PCCB: variants seen among roughly 807,000 people sequenced by gnomAD.
PCCB encodes the protein propionyl-CoA carboxylase beta chain, mitochondrial.
In PCCB, 43 loss-of-function variants were observed where a neutral mutation model predicts 60.7. The observed-to-expected ratio is 0.71, with a 90% CI of 0.55 to 0.91. The LOEUF is 0.91. Ranked by LOEUF, PCCB falls within the 40% of genes least tolerant of loss-of-function variation. The pLI is 0.00. For synonymous variants in PCCB, 276 were observed against 255.9 expected (o/e 1.08, Z -0.75); for missense variants, 766 against 702.8 (o/e 1.09, Z -1.02).
chr3:136,263,290 G>C (rs531516124), intron 5 of PCCB, among the ~76,000 whole-genome samples: 1 of 138,430 alleles, frequency 7.2e-6, no homozygotes, highest in Admixed American at 7.5e-5. Context: ...TTTATTTAGA[G>C]ACAGTGTCTT....
At chr3:136,259,117 A>C in intron 3 of PCCB, 2 of 1,422,876 alleles carry the variant, frequency 1.4e-6, no homozygotes, top group Non-Finnish European at 1.8e-6. Context: ...GAAGATCCAT[A>C]AGCAGAAGAA....
chr3:136,257,757 G>A (rs1407946268), intron 3 of PCCB, among the ~76,000 whole-genome samples: 3 of 152,086 alleles, frequency 2.0e-5, no homozygotes, highest in Non-Finnish European at 4.4e-5. Flanking sequence ...CCAACATGGC[G>A]AAACTCCATC....
chr3:136,303,916 A>C (rs1934371388), intron 9 of PCCB, among the ~76,000 whole-genome samples: 1 of 121,794 alleles, frequency 8.2e-6, no homozygotes, highest in South Asian at 3.2e-4. Context: ...TATTTGCTTT[A>C]TGTATTAGTG....
At chr3:136,273,388 A>G (rs539099014) in intron 5 of PCCB, among the ~76,000 whole-genome samples, 63 of 152,210 alleles carry the variant, frequency 4.1e-4, no homozygotes, top group Admixed American at 3.3e-4. Flanking sequence ...TGTCTCAACA[A>G]AAAGAGTCTA....
rs146634190 is a variant in PCCB, at chr3:136,320,200, A to G, written c.1090+3136A>G. Among the ~76,000 whole-genome samples the G allele has an allele frequency of 3.4e-3, 512 of 152,256 alleles. 2 individuals are homozygous for G. Among genetic ancestry groups the G allele is most frequent in the Non-Finnish European group, 4.6e-3 (311 of 68,018 alleles). ...TTGGGGCCCTTTTAAATTCCATATG[A>G]ATTTTGGTAGTGACTTTCCCATTTC... On this transcript the variant is annotated intron_variant, in intron 10 of 14. Transcript: ENST00000251654.
chr3:136,282,240 GAAATTT>G (rs1942494608), intron 5 of PCCB, among the ~76,000 whole-genome samples: 2 of 152,198 alleles, frequency 1.3e-5, no homozygotes, highest in Non-Finnish European at 2.9e-5. Context: ...GAAGTTTACT[GAAATTT>G]ACTTGCTGTT....
chr3:136,323,070 A>C (rs188721865), intron 10 of PCCB, among the ~76,000 whole-genome samples: 1 of 148,440 alleles, frequency 6.7e-6, no homozygotes, highest in South Asian at 2.1e-4. Flanking sequence ...AATATGTCTC[A>C]GTGTGGGTTT....
chr3:136,282,057 C>T (rs1027634309), intron 5 of PCCB, among the ~76,000 whole-genome samples: 1 of 152,096 alleles, frequency 6.6e-6, no homozygotes, highest in Non-Finnish European at 1.5e-5. Context: ...CCATCAAAAG[C>T]AGTGGTCAGT....
chr3:136,310,159 T>A (rs1039853487), intron 9 of PCCB, among the ~76,000 whole-genome samples: 3 of 151,666 alleles, frequency 2.0e-5, no homozygotes, highest in African/African-American at 7.3e-5. Flanking sequence ...AGGTCGGGAG[T>A]TCGAGACCAG....
chr3:136,280,455 CCCT>C (rs2108176653), intron 5 of PCCB, among the ~76,000 whole-genome samples: 1 of 152,244 alleles, frequency 6.6e-6, no homozygotes, highest in African/African-American at 2.4e-5. Flanking sequence ...AAATGATTCT[CCCT>C]CCTCAGCCTC....
chr3:136,256,134 G>A (rs909714277), intron 2 of PCCB, 159 bp downstream of exon 2: 2 of 1,055,052 alleles, frequency 1.9e-6, no homozygotes, highest in Non-Finnish European at 2.7e-6. Flanking sequence ...GTAGAGATGG[G>A]CTTTCGCCAT....
At chr3:136,321,410 AAG>A (rs1935104363) in intron 10 of PCCB, among the ~76,000 whole-genome samples, 1 of 152,146 alleles carries the variant, frequency 6.6e-6, no homozygotes, top group Non-Finnish European at 1.5e-5. Flanking sequence ...CTATAAAGGA[AAG>A]AGGTTTAATT....
intron 5 of PCCB, among the ~76,000 whole-genome samples, chr3:136,273,989 C>T (rs1259165967): frequency 3.3e-5 from 5 of 149,274 alleles, no homozygotes; most frequent in Non-Finnish European, 5.9e-5. Flanking sequence ...ATATCTCTTT[C>T]CCCCCCTTTA....
chr3:136,322,803 TTTTG>T (rs1459062034), intron 10 of PCCB, among the ~76,000 whole-genome samples: 1 of 152,194 alleles, frequency 6.6e-6, no homozygotes, highest in Non-Finnish European at 1.5e-5. Flanking sequence ...GGGCCTCAGC[TTTTG>T]TTTATCTGAA....
At chr3:136,276,605 C>T (rs192471584) in intron 5 of PCCB, among the ~76,000 whole-genome samples, 98 of 152,268 alleles carry the variant, frequency 6.4e-4, no homozygotes, top group African/African-American at 2.3e-3. Flanking sequence ...GGGGATTCCT[C>T]CTGTGGAGAT....
rs1307983237 is a variant in PCCB at position 136,304,608 on chromosome 3, A to G, written c.966+3497A>G. ...CACCGTGTTAGCCAGGATAGTCTCG[A>G]TCTCCCGACCTCGTGATCTGCCCGC... On this transcript the variant is annotated intron_variant, in intron 9 of 14. Transcript: ENST00000251654. Among the ~76,000 whole-genome samples the G allele has an allele frequency of 2.5e-5, 3 of 118,230 alleles. 1 individual carries two copies. Among genetic ancestry groups the G allele is most frequent in the African/African-American group, 7.7e-5 (3 of 39,074 alleles). The allele number at this position is 118,230 out of a possible 152,430, so 77.6% of individuals were successfully genotyped here.
At chr3:136,273,684 G>A (rs564620401) in intron 5 of PCCB, among the ~76,000 whole-genome samples, 115 of 143,190 alleles carry the variant, frequency 8.0e-4, no homozygotes, top group East Asian at 6.8e-3. Context: ...AGGCCAAGAC[G>A]GGCGGATCGC....
At chr3:136,256,126 A>G (rs1941665872) in intron 2 of PCCB, 151 bp downstream of exon 2, 2 of 1,149,488 alleles carry the variant, frequency 1.7e-6, no homozygotes, top group Non-Finnish European at 1.2e-6. Flanking sequence ...TATTTTTAGT[A>G]GAGATGGGCT....
rs1010495492 is a variant in PCCB at position 136,256,221 on chromosome 3, G to C, written c.303+246G>C. On this transcript the variant is annotated intron_variant, in intron 2 of 14. Transcript: ENST00000251654. The stretch of plus-strand genomic sequence containing the variant: ...GACTCCCAAAGTGTTGGGACTACAG[G>C]CGTGAGCGACCGTACCCTGCCTTGT... 4 of 581,656 alleles carry C rather than the reference G, an allele frequency of 6.9e-6. No homozygotes were observed. The South Asian group carries it at 8.1e-5, about 12-fold the overall frequency. The allele number at this position is 581,656 out of a possible 1,614,324, so 36.0% of individuals were successfully genotyped here.
Sources: allele counts gnomAD v4.1 joint callset (sites outside exome capture counted in the v4.1 genomes callset), GRCh38; gene constraint gnomAD v4.1.1; transcripts MANE v1.5; gene names NCBI Gene and HGNC (gene_info 2026-07-23, HGNC 2026-07-21).